Variants in RBFOX3 observed in about 807,000 individuals in gnomAD.
RBFOX3 encodes the protein RNA binding protein fox-1 homolog 3.
In RBFOX3, 17 loss-of-function variants were observed where a neutral mutation model predicts 48.7. The observed-to-expected ratio is 0.35, with a 90% CI of 0.24 to 0.52. RBFOX3 has a LOEUF of 0.52. Among genes scored for constraint, RBFOX3 ranks in the 20% least tolerant of loss-of-function variants. The pLI is 0.94. For missense variants in RBFOX3, 382 were observed against 497.5 expected (o/e 0.77, Z 2.21); for synonymous variants, 212 against 209.5 (o/e 1.01, Z -0.10).
At chr17:79,630,219 G>A in the RBFOX3 span, among the ~76,000 whole-genome samples, 5 of 152,168 alleles carry the variant, frequency 3.3e-5, no homozygotes, top group African/African-American at 1.2e-4. Flanking sequence ...CGAGAACCCC[G>A]CAGAGTCTCA....
rs1463458773 is a variant in RBFOX3, at chr17:79,480,563, G to T, written c.-175+1891C>A. Reference sequence around the variant, plus strand: ...CTGCATCCAGCCCTGGACCCTCTTCGTCATCTCCTTCCTCCACCTGCACAG... The same window carrying T: ...CTGCATCCAGCCCTGGACCCTCTTCTTCATCTCCTTCCTCCACCTGCACAG... On this transcript the variant is annotated intron_variant, in intron 2 of 14. Coordinates refer to ENST00000693108, the MANE Select transcript of RBFOX3 (RefSeq NM_001350451.2). The surrounding 1 kb of genome is among the most constrained non-coding windows in gnomAD (Gnocchi z 4.8). 2.0e-5 allele frequency among the ~76,000 whole-genome samples: 3 copies of T among 152,150 alleles called. No homozygotes were observed. The highest frequency in any genetic ancestry group is 6.5e-5 in the Admixed American group (1 of 15,294).
intron 2 of RBFOX3, among the ~76,000 whole-genome samples, chr17:79,389,552 A>T (rs944761717): frequency 6.6e-6 from 1 of 152,158 alleles, no homozygotes; most frequent in Admixed American, 6.5e-5. Context: ...CTATTGTTAA[A>T]CACTGAGTCC....
chr17:79,448,950 C>G (rs1555739852), intron 2 of RBFOX3, among the ~76,000 whole-genome samples: 1 of 152,100 alleles, frequency 6.6e-6, no homozygotes, highest in Non-Finnish European at 1.5e-5. Context: ...TCAGAGTTGA[C>G]GTCCTGGGCA....
At chr17:79,559,857 A>G (rs1175523457) in intron 1 of RBFOX3, among the ~76,000 whole-genome samples, 1 of 116,376 alleles carries the variant, frequency 8.6e-6, no homozygotes, top group Non-Finnish European at 1.7e-5. Context: ...GGATGGATGG[A>G]TGGGTAGATG....
chr17:79,658,559 T>C, the RBFOX3 span, among the ~76,000 whole-genome samples: 1 of 151,860 alleles, frequency 6.6e-6, no homozygotes, highest in Non-Finnish European at 1.5e-5. Context: ...GTATCCTGCC[T>C]GCCTGGAATA....
chr17:79,302,344 G>C (rs2075441259), intron 3 of RBFOX3, among the ~76,000 whole-genome samples: 1 of 152,162 alleles, frequency 6.6e-6, no homozygotes, highest in Admixed American at 6.6e-5. Context: ...CGGAGCCAGG[G>C]TTCCACCCAA....
chr17:79,343,918 A>G (rs1452130198), intron 2 of RBFOX3, among the ~76,000 whole-genome samples: 1 of 152,184 alleles, frequency 6.6e-6, no homozygotes. Context: ...CCCTGCCCAC[A>G]GGTCGGCTGC....
intron 1 of RBFOX3, among the ~76,000 whole-genome samples, chr17:79,530,252 G>A (rs2087521858): frequency 6.6e-6 from 1 of 152,152 alleles, no homozygotes; most frequent in African/African-American, 2.4e-5. Context: ...TGAGGCACCT[G>A]CCCTGTTATC....
Position 79,610,899 on chromosome 17 carries a change from G to C in RBFOX3, c.-393C>G, listed in dbSNP as rs2093956545. Among the ~76,000 whole-genome samples, 4 of 151,588 alleles carry C rather than the reference G, an allele frequency of 2.6e-5. No individual in the cohort carries two copies. Among genetic ancestry groups the C allele is most frequent in the Admixed American group, 2.6e-4 (4 of 15,210 alleles). ...CCGGCTGCATCCCGGCCGCCGAGCG[G>C]GCAGCGGCGTCCTGGGGCCGCACAG... On this transcript the variant is annotated 5_prime_UTR_variant, in exon 1 of 15. Transcript: ENST00000693108.
At chr17:79,521,243 C>T (rs2086028678) in intron 1 of RBFOX3, among the ~76,000 whole-genome samples, 2 of 151,412 alleles carry the variant, frequency 1.3e-5, no homozygotes, top group African/African-American at 4.9e-5. Flanking sequence ...TTCTCATGCC[C>T]AGGCACACAC....
chr17:79,097,673 G>A lies in RBFOX3; in HGVS notation c.622+19C>T. ...AAGTAGCTGGTCTCATCCCATCCCC[G>A]CCCCGCCCCAGCTTTTACCTGCATA... On this transcript the variant is annotated intron_variant, in intron 10 of 14. Coordinates refer to ENST00000693108, the MANE Select transcript of RBFOX3 (RefSeq NM_001350451.2). 9 of 874,572 alleles carry A rather than the reference G, an allele frequency of 1.0e-5. No individual in the cohort carries two copies. The highest frequency in any genetic ancestry group is 9.9e-6 in the Non-Finnish European group (6 of 608,488). The allele number at this position is 874,572 out of a possible 1,614,324, so 54.2% of individuals were successfully genotyped here.
intron 2 of RBFOX3, among the ~76,000 whole-genome samples, chr17:79,370,542 T>C (rs995689360): frequency 7.1e-6 from 1 of 140,104 alleles, no homozygotes; most frequent in Non-Finnish European, 1.6e-5. Context: ...AATGCACACA[T>C]ACACTAACAT....
chr17:79,352,929 A>T (rs1044045689), intron 2 of RBFOX3, among the ~76,000 whole-genome samples: 14 of 152,340 alleles, frequency 9.2e-5, no homozygotes, highest in African/African-American at 2.4e-4. Flanking sequence ...TCCAGCGAGC[A>T]CTGCCAGAGC....
intron 13 of RBFOX3, 101 bp from the exon 14 acceptor site, chr17:79,094,630 AC>A (rs1336373882): frequency 1.4e-6 from 1 of 731,888 alleles, no homozygotes; most frequent in Non-Finnish European, 2.0e-6. Flanking sequence ...CTACATGGGC[AC>A]CCTGTACCGA....
At chr17:79,504,170 G>A (rs1446426410) in intron 1 of RBFOX3, among the ~76,000 whole-genome samples, 2 of 152,162 alleles carry the variant, frequency 1.3e-5, no homozygotes, top group Non-Finnish European at 2.9e-5. Flanking sequence ...ACATGCAACC[G>A]TTCAGTCGCG....
At chr17:79,097,868 G>T in intron 9 of RBFOX3, 123 bp from the exon 10 acceptor site, 1 of 1,024,222 alleles carries the variant, frequency 9.8e-7, no homozygotes, top group Non-Finnish European at 1.5e-6. Flanking sequence ...GCGCCTCCCC[G>T]CGCCGGGCCC....
chr17:79,381,664 T>G (rs928332172), intron 2 of RBFOX3, among the ~76,000 whole-genome samples: 2 of 152,178 alleles, frequency 1.3e-5, no homozygotes, highest in Non-Finnish European at 2.9e-5. Context: ...TTCGATCTGT[T>G]ATTGAGGTAG....
Position 79,477,360 on chromosome 17 carries a change from T to G in RBFOX3, c.-175+5094A>C, listed in dbSNP as rs1331208376. On this transcript the variant is annotated intron_variant, in intron 2 of 14. Transcript: ENST00000693108. The surrounding 1 kb of genome is among the most constrained non-coding windows in gnomAD (Gnocchi z 4.8). ...TCACGAGGTCAGGAGATCGAGATCA[T>G]CCTGGCTAACACGGTGAAACCCCGT... Among the ~76,000 whole-genome samples, 17 of 146,040 alleles carry G rather than the reference T, an allele frequency of 1.2e-4. 1 individual carries two copies. In the East Asian group the frequency reaches 1.6e-3, roughly 14 times the overall value.
intron 2 of RBFOX3, among the ~76,000 whole-genome samples, chr17:79,448,095 G>C (rs1443439488): frequency 3.9e-5 from 6 of 152,152 alleles, no homozygotes; most frequent in Non-Finnish European, 8.8e-5. Flanking sequence ...GGTACAACCT[G>C]TGGAACTGTG....
Sources: gnomAD v4.1 joint callset for allele counts (sites outside exome capture counted in the v4.1 genomes callset) on GRCh38, gnomAD v4.1.1 for gene constraint, Gnocchi (gnomAD v3.1) non-coding constraint, MANE v1.5 for transcripts, NCBI Gene and HGNC (gene_info 2026-07-23, HGNC 2026-07-21) for gene names.